Variants in GPC6 observed in about 807,000 individuals in gnomAD.
The protein encoded by GPC6 is glypican 6, also known as glypican-6.
GPC6 carries 14 observed loss-of-function variants against 55.2 expected under a neutral mutation model. The ratio of observed to expected loss-of-function variants is 0.25; its 90% CI spans 0.17 to 0.40. GPC6 has a LOEUF of 0.40. Among genes scored for constraint, GPC6 ranks in the 10% least tolerant of loss-of-function variants. The probability of loss-of-function intolerance (pLI) is 1.00; values close to 1 mark genes in which losing one functional copy is unlikely to be tolerated. For missense variants in GPC6, 641 were observed against 708.5 expected (o/e 0.90, Z 1.08); for synonymous variants, 278 against 259.6 (o/e 1.07, Z -0.68).
intron 2 of GPC6, among the ~76,000 whole-genome samples, chr13:93,604,712 A>G (rs981343116): frequency 4.6e-5 from 7 of 152,244 alleles, no homozygotes; most frequent in Non-Finnish European, 1.0e-4. Context: ...TGAAAGAGTT[A>G]TACGCAAATG....
intron 4 of GPC6, among the ~76,000 whole-genome samples, chr13:94,169,076 A>G (rs533858271): frequency 2.6e-5 from 4 of 152,324 alleles, no homozygotes; most frequent in African/African-American, 9.6e-5. Flanking sequence ...TTATTACACA[A>G]TTAAATTGTA....
At chr13:93,664,101 G>A (rs1156894815) in intron 2 of GPC6, among the ~76,000 whole-genome samples, 2 of 152,034 alleles carry the variant, frequency 1.3e-5, no homozygotes, top group Admixed American at 1.3e-4. Flanking sequence ...AACACTTTTA[G>A]GAAATAAAAT....
intron 3 of GPC6, among the ~76,000 whole-genome samples, chr13:93,884,882 G>A (rs1215397000): frequency 6.6e-6 from 1 of 152,046 alleles, no homozygotes; most frequent in Non-Finnish European, 1.5e-5. Context: ...TTATGTGTGT[G>A]TTATCTTTTA....
intron 1 of GPC6, among the ~76,000 whole-genome samples, chr13:93,465,808 G>A (rs1278930800): frequency 1.3e-5 from 2 of 152,182 alleles, no homozygotes; most frequent in Non-Finnish European, 2.9e-5. Flanking sequence ...AGCTTTCAAT[G>A]TGCCTTAATC....
At chr13:93,521,041 T>C (rs1294321756) in intron 1 of GPC6, among the ~76,000 whole-genome samples, 1 of 151,952 alleles carries the variant, frequency 6.6e-6, no homozygotes, top group Non-Finnish European at 1.5e-5. Flanking sequence ...TCAATGGAAA[T>C]GTACACGTAT....
At chr13:94,402,751 C>A (rs1881196674) in intron 8 of GPC6, among the ~76,000 whole-genome samples, 1 of 152,182 alleles carries the variant, frequency 6.6e-6, no homozygotes, top group African/African-American at 2.4e-5. Flanking sequence ...AAGCAAAAGA[C>A]CTTCTTCACA....
intron 2 of GPC6, among the ~76,000 whole-genome samples, chr13:93,737,992 A>G (rs1199019332): frequency 1.3e-5 from 2 of 152,172 alleles, no homozygotes; most frequent in African/African-American, 4.8e-5. Context: ...ATATTTTCAG[A>G]CTAAAGATAT....
chr13:94,087,936 G>A (rs1885347987), intron 4 of GPC6, among the ~76,000 whole-genome samples: 1 of 152,184 alleles, frequency 6.6e-6, no homozygotes. Context: ...CCAGCCTACA[G>A]AATTCCACTG....
At chr13:94,031,527 A>C (rs1883137493) in intron 4 of GPC6, among the ~76,000 whole-genome samples, 1 of 152,156 alleles carries the variant, frequency 6.6e-6, no homozygotes, top group Non-Finnish European at 1.5e-5. Context: ...GCCTATTGTC[A>C]CTATTAGAAA....
At chr13:94,302,757 C>T (rs746018000) in intron 5 of GPC6, among the ~76,000 whole-genome samples, 8 of 152,286 alleles carry the variant, frequency 5.3e-5, no homozygotes, top group East Asian at 1.9e-4. Context: ...AAGATGGCCA[C>T]GGGTGGCTTC....
At chr13:93,441,439 T>C (rs1007110048) in intron 1 of GPC6, among the ~76,000 whole-genome samples, 2 of 152,232 alleles carry the variant, frequency 1.3e-5, no homozygotes, top group African/African-American at 4.8e-5. Flanking sequence ...ATTTCTCTGA[T>C]GGCCAGTGAT....
At chr13:94,271,565 G>C (rs1892027171) in intron 4 of GPC6, among the ~76,000 whole-genome samples, 1 of 151,828 alleles carries the variant, frequency 6.6e-6, no homozygotes, top group South Asian at 2.1e-4. Context: ...TCCCTTCTAG[G>C]GTCTTAGTTT....
intron 1 of GPC6, among the ~76,000 whole-genome samples, chr13:93,308,390 G>A (rs1219802720): frequency 6.6e-6 from 1 of 152,328 alleles, no homozygotes; most frequent in African/African-American, 2.4e-5. Flanking sequence ...CAAGTCCTCT[G>A]ACACTGGCTG....
At chr13:93,326,112 A>C (rs9516223) in intron 1 of GPC6, among the ~76,000 whole-genome samples, 18,034 of 152,160 alleles carry the variant, frequency 0.12, 1,421 homozygotes, top group East Asian at 0.37. Context: ...CAGGGAAAAC[A>C]GGAGGAGAAA....
At chr13:93,592,928 AC>A (rs35368509) in intron 2 of GPC6, among the ~76,000 whole-genome samples, 137,440 of 151,980 alleles carry the variant, frequency 0.9, 62,316 homozygotes, top group African/African-American at 0.96. Context: ...ACTTTTGGAA[AC>A]CCTTGATTTG....
intron 7 of GPC6, among the ~76,000 whole-genome samples, chr13:94,393,185 A>T (rs1331371208): frequency 6.6e-6 from 1 of 152,140 alleles, no homozygotes. Context: ...CAGAATCCAT[A>T]ACTTCTTAGA....
intron 1 of GPC6, among the ~76,000 whole-genome samples, chr13:93,303,529 G>A (rs1046344412): frequency 1.3e-5 from 2 of 152,102 alleles, no homozygotes; most frequent in Non-Finnish European, 2.9e-5. Context: ...AAAGCTTTCA[G>A]CATAAACCCC....
chr13:93,310,966 T>G (rs1879045595), intron 1 of GPC6, among the ~76,000 whole-genome samples: 1 of 152,182 alleles, frequency 6.6e-6, no homozygotes, highest in African/African-American at 2.4e-5. Context: ...AGGACTTTTA[T>G]CTGATGAAAA....
intron 1 of GPC6, among the ~76,000 whole-genome samples, chr13:93,375,158 T>C (rs1874833031): frequency 6.6e-6 from 1 of 152,232 alleles, no homozygotes; most frequent in African/African-American, 2.4e-5. Flanking sequence ...TCATACATTA[T>C]TATTTTCCTA....
Sources: allele counts gnomAD v4.1 joint callset (sites outside exome capture counted in the v4.1 genomes callset), GRCh38; gene constraint gnomAD v4.1.1; transcripts MANE v1.5; gene names NCBI Gene and HGNC (gene_info 2026-07-23, HGNC 2026-07-21).